The following ZNF91 variants were observed in gnomAD, a reference collection of about 807,000 sequenced individuals.
ZNF91 encodes zinc finger protein 91.
A neutral mutation model predicts 12.6 loss-of-function variants in ZNF91; 7 were observed. That is an observed-to-expected ratio of 0.55 (90% CI 0.31 to 1.04). The LOEUF is 1.04. Ranked by LOEUF, ZNF91 falls within the 50% of genes least tolerant of loss-of-function variation. ZNF91 has a pLI of 0.05. For synonymous variants in ZNF91, 453 were observed against 462.6 expected, an observed-to-expected ratio of 0.98 and a Z score of 0.27; for missense variants, 1,217 against 1,385.4, an observed-to-expected ratio of 0.88 and a Z score of 1.93.
downstream of ZNF91, chr19:23,338,454 T>C (rs900546926): frequency 6.6e-6 from 1 of 152,002 alleles, no homozygotes; most frequent in Non-Finnish European, 1.5e-5. Flanking sequence ...AGTCTTACCC[T>C]GACAAATAAA....
intron 1 of ZNF91, chr19:23,384,561 C>A: frequency 8.7e-7 from 1 of 1,145,784 alleles, no homozygotes; most frequent in South Asian, 3.3e-5. Context: ...TACCTGAAAG[C>A]AGCCAATAAC....
At chr19:23,352,050 C>T (rs1968379681) in intron 3 of ZNF91, among the ~76,000 whole-genome samples, 1 of 152,198 alleles carries the variant, frequency 6.6e-6, no homozygotes, top group South Asian at 2.1e-4. Flanking sequence ...CTGGCCAGAA[C>T]CCAGGGGAAG....
chr19:23,318,569 C>A (rs1264966429), intron 1 of ZNF91, among the ~76,000 whole-genome samples: 1 of 152,184 alleles, frequency 6.6e-6, no homozygotes, highest in Non-Finnish European at 1.5e-5. Context: ...CTTGCCTGGA[C>A]CCTGCCCACA....
chr19:23,390,074 C>T lies in ZNF91; in HGVS notation c.30+5251G>A, dbSNP rs1011812131. ...GCTCACTTCTGTAATTCCACCACTT[C>T]GGGAGGCTGAGACAGGCGAATCACC... On this transcript the variant is annotated intron_variant, in intron 1 of 3. Transcript: ENST00000300619. Among the ~76,000 whole-genome samples, 8 of 152,292 alleles carry T rather than the reference C, an allele frequency of 5.3e-5. 1 individual carries two copies. The South Asian group carries it at 1.7e-3, about 32-fold the overall frequency.
At chr19:23,333,101 C>T (rs544571600) in intron 1 of ZNF91, among the ~76,000 whole-genome samples, 48 of 152,274 alleles carry the variant, frequency 3.2e-4, no homozygotes, top group African/African-American at 7.0e-4. Context: ...TCTTTTGAAA[C>T]CTTTTTTGTG....
intron 1 of ZNF91, among the ~76,000 whole-genome samples, chr19:23,333,588 G>C (rs1967959666): frequency 6.6e-6 from 1 of 152,140 alleles, no homozygotes; most frequent in South Asian, 2.1e-4. Flanking sequence ...TCTTTTATGA[G>C]GGTGCCTGAA....
At chr19:23,354,444 G>C (rs1238367028), downstream of ZNF91, among the ~76,000 whole-genome samples, 1 of 152,028 alleles carries the variant, frequency 6.6e-6, no homozygotes, top group African/African-American at 2.4e-5. Context: ...TCTCAGCAAA[G>C]TTGGCATACA....
At chr19:23,357,237 A>AAACAAC (rs71163489), downstream of ZNF91, among the ~76,000 whole-genome samples, 151 of 151,636 alleles carry the variant, frequency 1.0e-3, no homozygotes, top group Middle Eastern at 3.4e-3. Context: ...AAAAACAAAC[A>AAACAAC]AACAACAACA....
chr19:23,384,600 A>AGAATGTCTCAG, intron 1 of ZNF91: 5 of 978,158 alleles, frequency 5.1e-6, no homozygotes, highest in Non-Finnish European at 6.8e-6. Flanking sequence ...AAACTGAGAC[A>AGAATGTCTCAG]TTCTGTCTCC....
chr19:23,322,715 CCTCCT>C (rs1967725685), intron 1 of ZNF91, among the ~76,000 whole-genome samples: 2 of 140,384 alleles, frequency 1.4e-5, no homozygotes, highest in East Asian at 4.0e-4. Context: ...TCACTTTTCT[CCTCCT>C]CTCCTCATCT....
exon 1 of ZNF91, chr19:23,310,561 C>G (rs567116764): frequency 6.6e-6 from 1 of 152,102 alleles, no homozygotes; most frequent in East Asian, 1.9e-4. Flanking sequence ...GAATTTGGAC[C>G]TTTGTGGAAT....
At position 23,342,818 on chromosome 19, in the gene ZNF91, T is replaced by C. The variant is rs565760372; in HGVS notation, c.254-3764A>G. 3.3e-5 allele frequency among the ~76,000 whole-genome samples: 5 copies of C among 151,768 alleles called. No individual in the cohort carries two copies. In the East Asian group the frequency reaches 9.7e-4, roughly 30 times the overall value. On this transcript the variant is annotated intron_variant, in intron 3 of 3. Transcript: ENST00000599743. Reference sequence around the variant, plus strand: ...TCTAACATTGCATCTCTACACAAATTTCACTGAGCAGGATTCAGACATTCC... The same window carrying C: ...TCTAACATTGCATCTCTACACAAATCTCACTGAGCAGGATTCAGACATTCC...
At position 23,359,830 on chromosome 19, in the gene ZNF91, T is replaced by A. The variant is rs202182741; in HGVS notation, c.3149A>T (p.Tyr1050Phe). Reference sequence around the variant, plus strand: ...TGCTTTGCCACATTCTTCACACTTGTAAGGTTTCTCTCCAGTATGAATTAT... The same window carrying A: ...TGCTTTGCCACATTCTTCACACTTGAAAGGTTTCTCTCCAGTATGAATTAT... ...HKIIHTGEKPYKCEECGKAFI... is the reference protein window; with the variant it reads ...HKIIHTGEKPFKCEECGKAFI... The change falls in exon 4 of 4, where the codon TAC (tyrosine) becomes TTC (phenylalanine). Residue 1050 changes from tyrosine (Y) to phenylalanine (F), a missense_variant. Transcript: ENST00000300619. 3.7e-6 allele frequency: 6 copies of A among 1,614,030 alleles called. No individual in the cohort carries two copies. In the Admixed American group the frequency reaches 8.3e-5, roughly 22 times the overall value.
intron 3 of ZNF91, among the ~76,000 whole-genome samples, chr19:23,373,349 TA>T (rs1969361098): frequency 1.5e-4 from 2 of 13,482 alleles, no homozygotes; most frequent in Admixed American, 1.4e-3. Context: ...TGTAATCTTA[TA>T]TATATATATA....
chr19:23,352,269 TC>T (rs1968385063), intron 3 of ZNF91, among the ~76,000 whole-genome samples: 1 of 151,848 alleles, frequency 6.6e-6, no homozygotes, highest in Admixed American at 6.6e-5. Flanking sequence ...CTGCCGGCTT[TC>T]CCCCACTTCC....
downstream of ZNF91, among the ~76,000 whole-genome samples, chr19:23,335,693 G>T (rs1377277323): frequency 6.6e-6 from 1 of 152,164 alleles, no homozygotes; most frequent in African/African-American, 2.4e-5. Context: ...ATTAGGGTGG[G>T]AGTGTCCCAA....
intron 1 of ZNF91, among the ~76,000 whole-genome samples, chr19:23,319,772 A>G (rs766315513): frequency 6.6e-6 from 1 of 152,166 alleles, no homozygotes; most frequent in African/African-American, 2.4e-5. Context: ...AAACCAAGGT[A>G]ATGTTACTCT....
At chr19:23,378,014 G>T (rs1156232623) in intron 1 of ZNF91, among the ~76,000 whole-genome samples, 1 of 151,926 alleles carries the variant, frequency 6.6e-6, no homozygotes, top group Non-Finnish European at 1.5e-5. Flanking sequence ...CAGATGAGAG[G>T]GATACAGATA....
At chr19:23,326,759 G>A (rs1245591615) in intron 1 of ZNF91, 4 of 152,106 alleles carry the variant, frequency 2.6e-5, no homozygotes, top group Non-Finnish European at 5.9e-5. Context: ...AACAACTTTG[G>A]CACATCTGTC....
Sources: allele counts gnomAD v4.1 joint callset (sites outside exome capture counted in the v4.1 genomes callset), GRCh38; gene constraint gnomAD v4.1.1; transcripts MANE v1.5; gene names NCBI Gene and HGNC (gene_info 2026-07-23, HGNC 2026-07-21).